The following MCF2L2 variants were observed in gnomAD, a reference collection of about 807,000 sequenced individuals.
MCF2L2 encodes MCF.2 cell line derived transforming sequence-like 2.
Under a neutral mutation model 150.2 loss-of-function variants are expected in MCF2L2, and 102 were observed. That is an observed-to-expected ratio of 0.68 (90% confidence interval 0.58 to 0.80). MCF2L2 has a LOEUF of 0.80. Among genes scored for constraint, MCF2L2 ranks in the 30% least tolerant of loss-of-function variants. The pLI is 0.00. For missense variants in MCF2L2, 1,256 were observed against 1,372.8 expected (o/e 0.91, Z 1.34); for synonymous variants, 465 against 491.3 (o/e 0.95, Z 0.71).
intron 27 of MCF2L2, among the ~76,000 whole-genome samples, chr3:183,187,441 A>G (rs748151915): frequency 2.6e-4 from 39 of 152,174 alleles, no homozygotes; most frequent in Non-Finnish European, 4.3e-4. Flanking sequence ...AAACAGTCTT[A>G]GCTTATAACC....
chr3:183,399,476 T>C (rs1341845134), intron 1 of MCF2L2, among the ~76,000 whole-genome samples: 2 of 152,352 alleles, frequency 1.3e-5, no homozygotes, highest in East Asian at 3.8e-4. Flanking sequence ...TAAGTGCATT[T>C]CTAAAAGAAG....
intron 3 of MCF2L2, among the ~76,000 whole-genome samples, chr3:183,366,924 C>T (rs76379366): frequency 1.5e-3 from 235 of 152,116 alleles, no homozygotes; most frequent in Non-Finnish European, 2.7e-3. Context: ...AAGGTATATG[C>T]CACTTCTGTA....
intron 5 of MCF2L2, among the ~76,000 whole-genome samples, chr3:183,335,392 C>T (rs528500993): frequency 1.3e-5 from 2 of 151,918 alleles, no homozygotes; most frequent in African/African-American, 2.4e-5. Context: ...CATATAAATA[C>T]ATAAACATAT....
At chr3:183,355,613 ATT>A (rs71185653) in intron 3 of MCF2L2, among the ~76,000 whole-genome samples, 1,434 of 84,424 alleles carry the variant, frequency 0.017, 31 homozygotes, top group South Asian at 0.087. Context: ...CGCCCAGCTA[ATT>A]TTTTTTTTTT....
intron 10 of MCF2L2, among the ~76,000 whole-genome samples, chr3:183,307,557 C>A (rs16857287): frequency 6.6e-6 from 1 of 152,170 alleles, no homozygotes; most frequent in South Asian, 2.1e-4. Context: ...ATGTTGCCCA[C>A]GAAAGGTGGG....
chr3:183,405,104 T>C lies in MCF2L2; in HGVS notation c.77-15325A>G, dbSNP rs1223228625. On this transcript the variant is annotated intron_variant, in intron 1 of 29. Coordinates refer to ENST00000328913, the MANE Select transcript of MCF2L2 (RefSeq NM_015078.4). ...GTTTTCATAAGCAGAATATAATCTA[T>C]ATAATTCTATCTGTAATATGTATTA... 3.9e-5 allele frequency among the ~76,000 whole-genome samples: 6 copies of C among 152,158 alleles called. 1 individual carries two copies. Among genetic ancestry groups the C allele is most frequent in the South Asian group, 4.1e-4 (2 of 4,834 alleles).
intron 3 of MCF2L2, among the ~76,000 whole-genome samples, chr3:183,366,690 T>C (rs900643139): frequency 6.6e-6 from 1 of 152,026 alleles, no homozygotes; most frequent in African/African-American, 2.4e-5. Flanking sequence ...GAAGATAAAA[T>C]AATTGTTAAG....
intron 1 of MCF2L2, among the ~76,000 whole-genome samples, chr3:183,395,627 T>TGGAATATTC (rs1311050379): frequency 6.6e-6 from 1 of 151,948 alleles, no homozygotes; most frequent in African/African-American, 2.4e-5. Context: ...GATCAAGAAA[T>TGGAATATTC]GGAATATTCG....
chr3:183,355,195 G>GA (rs1220053271), intron 3 of MCF2L2, among the ~76,000 whole-genome samples: 4 of 151,832 alleles, frequency 2.6e-5, no homozygotes, highest in African/African-American at 9.7e-5. Flanking sequence ...TGAAATGTTT[G>GA]AAAATGAAAA....
At chr3:183,408,911 A>G (rs894262497) in intron 1 of MCF2L2, among the ~76,000 whole-genome samples, 7 of 152,240 alleles carry the variant, frequency 4.6e-5, no homozygotes, top group Admixed American at 1.3e-4. Flanking sequence ...AGTCTTCTAT[A>G]CTAAATAAAA....
intron 2 of MCF2L2, among the ~76,000 whole-genome samples, chr3:183,385,801 G>T (rs935403252): frequency 2.6e-5 from 4 of 152,194 alleles, no homozygotes; most frequent in African/African-American, 9.7e-5. Flanking sequence ...TTCTCTTGCT[G>T]CCAGGGAATG....
chr3:183,225,856 A>G (rs1723323124), intron 18 of MCF2L2: 1 of 152,268 alleles, frequency 6.6e-6, no homozygotes, highest in South Asian at 2.1e-4. Flanking sequence ...TCCCACAACA[A>G]CTGTACATAT....
intron 22 of MCF2L2, among the ~76,000 whole-genome samples, chr3:183,210,905 G>A (rs1722692760): frequency 1.3e-5 from 2 of 152,146 alleles, no homozygotes; most frequent in African/African-American, 2.4e-5. Flanking sequence ...CTGACCATAG[G>A]GCCCCCAGCA....
chr3:183,342,991 C>T (rs1261089638), intron 3 of MCF2L2, among the ~76,000 whole-genome samples: 1 of 152,146 alleles, frequency 6.6e-6, no homozygotes, highest in Non-Finnish European at 1.5e-5. Context: ...CAGCCCCATA[C>T]TGACCCAGGT....
intron 15 of MCF2L2, among the ~76,000 whole-genome samples, chr3:183,247,877 C>A (rs1724328158): frequency 6.6e-6 from 1 of 152,036 alleles, no homozygotes; most frequent in South Asian, 2.1e-4. Context: ...CTGCAAGGGT[C>A]CTGGAACCAA....
chr3:183,351,236 ATTTATTTATTTATTTATC>A (rs1731127840), intron 3 of MCF2L2, among the ~76,000 whole-genome samples: 1 of 70,384 alleles, frequency 1.4e-5, no homozygotes, highest in African/African-American at 8.0e-5. Context: ...ATATATATAT[ATTTATTTATTTATTTATC>A]AGAACCCCAG....
At chr3:183,192,859 A>T in intron 27 of MCF2L2, 140 bp downstream of exon 27, 1 of 613,910 alleles carries the variant, frequency 1.6e-6, no homozygotes, top group Non-Finnish European at 2.9e-6. Flanking sequence ...TTTAAACCAC[A>T]TGGTGGTAAA....
chr3:183,273,802 C>T (rs1183561890), intron 15 of MCF2L2, among the ~76,000 whole-genome samples: 1 of 152,160 alleles, frequency 6.6e-6, no homozygotes, highest in Non-Finnish European at 1.5e-5. Context: ...ACATGCTGTA[C>T]AGGTTTCTAG....
intron 2 of MCF2L2, 22 bp from the exon 3 acceptor site, chr3:183,379,433 A>G: frequency 6.4e-7 from 1 of 1,555,438 alleles, no homozygotes; most frequent in Non-Finnish European, 8.8e-7. Context: ...ACAGGTGGTC[A>G]AAATGTTAGC....
Sources: gnomAD v4.1 joint callset for allele counts (sites outside exome capture counted in the v4.1 genomes callset) on GRCh38, gnomAD v4.1.1 for gene constraint, MANE v1.5 for transcripts, NCBI Gene and HGNC (gene_info 2026-07-23, HGNC 2026-07-21) for gene names.